Variants in EPHA5 observed in about 807,000 individuals in gnomAD.
The protein encoded by EPHA5 is EPH receptor A5, also known as ephrin type-A receptor 5.
Under a neutral mutation model 105.0 loss-of-function variants are expected in EPHA5, and 60 were observed. The observed-to-expected ratio is 0.57, with a 90% CI of 0.46 to 0.71. The LOEUF (loss-of-function observed/expected upper bound fraction) is 0.71. EPHA5 is among the 30% of genes least tolerant of loss of function. EPHA5 has a pLI of 0.00. For synonymous variants in EPHA5, 513 were observed against 449.1 expected, an observed-to-expected ratio of 1.14 and a Z score of -1.80; for missense variants, 1,218 against 1,274.7, an observed-to-expected ratio of 0.96 and a Z score of 0.68.
At position 65,669,608 on chromosome 4, in the gene EPHA5, G is replaced by A. The variant is rs767400088; in HGVS notation, c.135C>T (p.Leu45=). 35 of 1,435,694 alleles carry A rather than the reference G, an allele frequency of 2.4e-5. No homozygotes were observed. The highest frequency in any genetic ancestry group is 3.2e-5 in the Non-Finnish European group (35 of 1,088,772). 88.9% of individuals were successfully genotyped at this position (1,435,694 alleles called of 1,614,324 possible). A position where few individuals can be genotyped will look rare whatever the true frequency, so the allele number is the denominator to read the frequency against. The change falls in exon 1 of 17, where the codon CTC becomes CTT. Residue 45 remains leucine, a synonymous_variant. Transcript: ENST00000613740. ...GGAGGGTCCGGAGTGCGGCGCACAG[G>A]AGAAGGCACGTCCAGAGGGGAGCCC... ...PRRAPLWTCL[L]LCAALRTLLA...
intron 2 of EPHA5, among the ~76,000 whole-genome samples, chr4:65,612,639 A>G (rs934705303): frequency 2.0e-5 from 3 of 152,200 alleles, no homozygotes; most frequent in African/African-American, 7.2e-5. Flanking sequence ...ACATAGAGGT[A>G]CAAGAATATT....
rs1367265150 is a variant in EPHA5 at position 65,490,710 on chromosome 4, GT to G, written c.1068del (p.Arg356SerfsTer66). On this transcript the variant is annotated frameshift_variant and splice_region_variant, in exon 5 of 17. Coordinates refer to ENST00000613740, the MANE Select transcript of EPHA5 (RefSeq NM_001281766.3). LOFTEE classifies it high-confidence loss of function. ...ATGGCATTCCGAGGAGCAGAGGGGG[GT>G]CCTGGTTTACAAAGTAAAGTAAGAA... ...ESDPPTMACT[R>X]PPSAPRNAIS... 6.2e-7 allele frequency: 1 copy of G among 1,611,886 alleles called. No individual in the cohort carries two copies. Among genetic ancestry groups the G allele is most frequent in the East Asian group, 2.2e-5 (1 of 44,848 alleles).
intron 6 of EPHA5, among the ~76,000 whole-genome samples, chr4:65,419,111 C>A (rs1723691343): frequency 6.6e-6 from 1 of 151,500 alleles, no homozygotes; most frequent in Admixed American, 6.6e-5. Flanking sequence ...TCTCGAACTA[C>A]TGACCTCAGG....
At chr4:65,402,782 G>A (rs184984923) in intron 8 of EPHA5, among the ~76,000 whole-genome samples, 21 of 152,288 alleles carry the variant, frequency 1.4e-4, no homozygotes, top group African/African-American at 4.3e-4. Context: ...CTTTGGGGTA[G>A]AAAAGACACA....
chr4:65,446,430 G>C (rs529649168), intron 5 of EPHA5, among the ~76,000 whole-genome samples: 5 of 152,220 alleles, frequency 3.3e-5, no homozygotes, highest in African/African-American at 1.2e-4. Context: ...AGGAAAACAA[G>C]CAAACTGTGA....
intron 4 of EPHA5, among the ~76,000 whole-genome samples, chr4:65,494,320 T>C (rs1158387152): frequency 6.6e-6 from 1 of 152,226 alleles, no homozygotes; most frequent in African/African-American, 2.4e-5. Context: ...AAATCTTCAC[T>C]GCTTCTTTAA....
intron 2 of EPHA5, among the ~76,000 whole-genome samples, chr4:65,615,011 G>A (rs1745102961): frequency 6.6e-6 from 1 of 151,720 alleles, no homozygotes. Flanking sequence ...AAAGAAAAAT[G>A]TAAAATTTAT....
intron 6 of EPHA5, among the ~76,000 whole-genome samples, chr4:65,417,913 C>A (rs1409310364): frequency 6.6e-6 from 1 of 151,796 alleles, no homozygotes; most frequent in Non-Finnish European, 1.5e-5. Flanking sequence ...GGGAAGTGGT[C>A]ACAAAAATAT....
At position 65,341,047 on chromosome 4, in the gene EPHA5, G is replaced by A. The variant is rs116562017; in HGVS notation, c.2596-4922C>T. Reference sequence around the variant, plus strand: ...TGTGTCACAGTCTGACATCTATCCCGGCTTCCCTTCATCCCTCCTCAATTT... The same window carrying A: ...TGTGTCACAGTCTGACATCTATCCCAGCTTCCCTTCATCCCTCCTCAATTT... On this transcript the variant is annotated intron_variant, in intron 14 of 16. Coordinates refer to ENST00000613740, the MANE Select transcript of EPHA5 (RefSeq NM_001281766.3). Among the ~76,000 whole-genome samples the A allele has an allele frequency of 5.1e-3, 770 of 151,862 alleles. 6 individuals carry two copies. Among genetic ancestry groups the A allele is most frequent in the African/African-American group, 0.017 (717 of 41,372 alleles).
intron 3 of EPHA5, among the ~76,000 whole-genome samples, chr4:65,541,569 C>T (rs1736837737): frequency 6.6e-6 from 1 of 151,950 alleles, no homozygotes; most frequent in Admixed American, 6.6e-5. Context: ...AAGATATATG[C>T]ACCCAACACA....
At chr4:65,436,606 G>T (rs1037884670) in intron 5 of EPHA5, among the ~76,000 whole-genome samples, 2 of 151,936 alleles carry the variant, frequency 1.3e-5, no homozygotes, top group Non-Finnish European at 2.9e-5. Context: ...GTGATTCAAT[G>T]TTTGTACTTC....
At chr4:65,460,319 CTGAA>C (rs1728003925) in intron 5 of EPHA5, among the ~76,000 whole-genome samples, 1 of 151,238 alleles carries the variant, frequency 6.6e-6, no homozygotes, top group Non-Finnish European at 1.5e-5. Flanking sequence ...ATTTAACTGT[CTGAA>C]TGAAGATAGC....
At chr4:65,436,549 A>G (rs529479822) in intron 5 of EPHA5, among the ~76,000 whole-genome samples, 1 of 152,122 alleles carries the variant, frequency 6.6e-6, no homozygotes, top group South Asian at 2.1e-4. Context: ...AGACAGATAA[A>G]ACAAAAACTA....
chr4:65,361,792 C>A (rs1052691775), intron 11 of EPHA5, among the ~76,000 whole-genome samples: 1 of 151,512 alleles, frequency 6.6e-6, no homozygotes, highest in Non-Finnish European at 1.5e-5. Flanking sequence ...TTTTACAGAA[C>A]TAGGCTTATT....
chr4:65,568,467 A>G (rs2149370138), intron 3 of EPHA5, among the ~76,000 whole-genome samples: 2 of 151,520 alleles, frequency 1.3e-5, no homozygotes, highest in South Asian at 4.1e-4. Flanking sequence ...CTATAATTTG[A>G]TTTTAAATAT....
At chr4:65,383,011 G>GAGATTATATATAATTAAACATAT (rs1560476381) in intron 8 of EPHA5, among the ~76,000 whole-genome samples, 3 of 149,256 alleles carry the variant, frequency 2.0e-5, no homozygotes, top group Admixed American at 6.8e-5. Flanking sequence ...TATATAGAGA[G>GAGATTATATATAATTAAACATAT]AGATTATATA....
intron 5 of EPHA5, among the ~76,000 whole-genome samples, chr4:65,476,101 A>AGAGAGG (rs530818868): frequency 1.7e-5 from 2 of 117,082 alleles, no homozygotes; most frequent in African/African-American, 6.6e-5. Flanking sequence ...AAAATCACTG[A>AGAGAGG]GAGAGAGAGA....
At chr4:65,560,742 T>G in intron 3 of EPHA5, among the ~76,000 whole-genome samples, 1 of 152,114 alleles carries the variant, frequency 6.6e-6, no homozygotes, top group East Asian at 1.9e-4. Context: ...AATGTTTATG[T>G]TCACATAAGT....
chr4:65,453,436 T>C (rs1313376970), intron 5 of EPHA5, among the ~76,000 whole-genome samples: 2 of 152,234 alleles, frequency 1.3e-5, no homozygotes, highest in East Asian at 1.9e-4. Context: ...AAAACAATAA[T>C]TGGTCACAGA....
Sources: gnomAD v4.1 joint callset for allele counts (sites outside exome capture counted in the v4.1 genomes callset) on GRCh38, gnomAD v4.1.1 for gene constraint, MANE v1.5 for transcripts, NCBI Gene and HGNC (gene_info 2026-07-23, HGNC 2026-07-21) for gene names.